The following TIAM1 variants were observed in gnomAD, a reference collection of about 807,000 sequenced individuals.
The protein encoded by TIAM1 is rho guanine nucleotide exchange factor TIAM1.
Under a neutral mutation model 163.5 loss-of-function variants are expected in TIAM1, and 65 were observed. The observed-to-expected ratio is 0.40, with a 90% CI of 0.33 to 0.49. The LOEUF (loss-of-function observed/expected upper bound fraction) is 0.49. Ranked by LOEUF, TIAM1 falls within the 20% of genes least tolerant of loss-of-function variation. TIAM1 has a pLI of 0.77. For synonymous variants in TIAM1, 833 were observed against 810.1 expected (o/e 1.03, Z -0.48); for missense variants, 1,789 against 2,044.7 (o/e 0.87, Z 2.41).
intron 2 of TIAM1, among the ~76,000 whole-genome samples, chr21:31,289,913 G>C (rs933308186): frequency 1.3e-5 from 2 of 152,036 alleles, no homozygotes; most frequent in Non-Finnish European, 2.9e-5. Context: ...CACACACAAG[G>C]GAAGTGAAAC....
At chr21:31,161,420 C>T (rs1172510626) in intron 16 of TIAM1, among the ~76,000 whole-genome samples, 1 of 152,164 alleles carries the variant, frequency 6.6e-6, no homozygotes, top group African/African-American at 2.4e-5. Context: ...AAGAGAAAGG[C>T]TGCTAGACTG....
At chr21:31,264,298 C>T (rs1259677922) in intron 4 of TIAM1, among the ~76,000 whole-genome samples, 1 of 152,116 alleles carries the variant, frequency 6.6e-6, no homozygotes, top group Non-Finnish European at 1.5e-5. Context: ...TTTGGAGTCC[C>T]CAGTGTCTAC....
At chr21:31,142,952 C>T (rs1262650441) in intron 20 of TIAM1, among the ~76,000 whole-genome samples, 1 of 152,130 alleles carries the variant, frequency 6.6e-6, no homozygotes, top group African/African-American at 2.4e-5. Flanking sequence ...CTAATGTCTT[C>T]CAGGTGCAAA....
chr21:31,256,621 A>G (rs1441056148), intron 4 of TIAM1, among the ~76,000 whole-genome samples: 4 of 150,990 alleles, frequency 2.6e-5, no homozygotes, highest in African/African-American at 9.8e-5. Flanking sequence ...ACACACACAC[A>G]CACACACGTA....
In TIAM1 at chr21:31,355,017, G is replaced by T. The variant is rs185988711; in HGVS notation, c.-368-15595C>A. On this transcript the variant is annotated intron_variant, in intron 2 of 28. Coordinates refer to the TIAM1 transcript ENST00000286827. ...AAAGCCCTGTACCCTGGGAGCCTTT[G>T]TTCTTTTTCTGGCCACAGATGAACT... 5.3e-3 allele frequency among the ~76,000 whole-genome samples: 811 copies of T among 152,194 alleles called. 4 individuals carry two copies. Among genetic ancestry groups the T allele is most frequent in the Middle Eastern group, 0.014 (4 of 294 alleles).
intron 1 of TIAM1, among the ~76,000 whole-genome samples, chr21:31,475,028 A>T (rs949451643): frequency 1.3e-4 from 8 of 59,468 alleles, no homozygotes; most frequent in South Asian, 9.5e-4. Flanking sequence ...CTAGTTTTTT[A>T]TTATTATTAT....
At chr21:31,466,066 A>G (rs1402319042) in intron 1 of TIAM1, among the ~76,000 whole-genome samples, 1 of 152,202 alleles carries the variant, frequency 6.6e-6, no homozygotes, top group Non-Finnish European at 1.5e-5. Context: ...ATCCCAATCA[A>G]TTCCAAGGTT....
At chr21:31,197,479 C>A (rs1417300115) in intron 12 of TIAM1, among the ~76,000 whole-genome samples, 1 of 151,072 alleles carries the variant, frequency 6.6e-6, no homozygotes, top group Non-Finnish European at 1.5e-5. Context: ...AGGTTCACGC[C>A]ATTGTCCTGC....
intron 4 of TIAM1, among the ~76,000 whole-genome samples, chr21:31,262,194 T>C (rs1483028440): frequency 6.6e-6 from 1 of 152,198 alleles, no homozygotes; most frequent in African/African-American, 2.4e-5. Flanking sequence ...GAGTTTTCCA[T>C]TCATTCCCTT....
intron 6 of TIAM1, among the ~76,000 whole-genome samples, chr21:31,234,188 T>C (rs2088606090): frequency 6.6e-6 from 1 of 151,988 alleles, no homozygotes; most frequent in Non-Finnish European, 1.5e-5. Flanking sequence ...AAGCCATGCC[T>C]GAAACAGAGA....
intron 2 of TIAM1, among the ~76,000 whole-genome samples, chr21:31,434,766 AC>A (rs1214874271): frequency 6.6e-6 from 1 of 152,162 alleles, no homozygotes; most frequent in Non-Finnish European, 1.5e-5. Context: ...ACACACAGTG[AC>A]CCTCCAGAGT....
chr21:31,432,218 A>G (rs1428211333), intron 2 of TIAM1, among the ~76,000 whole-genome samples: 1 of 147,382 alleles, frequency 6.8e-6, no homozygotes, highest in East Asian at 2.0e-4. Context: ...CTCCTGCCTC[A>G]GCCTCCTGAG....
chr21:31,144,349 T>C (rs959593516), intron 20 of TIAM1, among the ~76,000 whole-genome samples: 1 of 152,206 alleles, frequency 6.6e-6, no homozygotes, highest in Non-Finnish European at 1.5e-5. Flanking sequence ...TCCAAAAATA[T>C]GGCTGTGGGT....
chr21:31,271,190 A>C (rs2146836620), intron 3 of TIAM1, among the ~76,000 whole-genome samples: 1 of 152,056 alleles, frequency 6.6e-6, no homozygotes, highest in African/African-American at 2.4e-5. Context: ...CCTAGAACCC[A>C]GCCTGAAAGG....
At chr21:31,130,495 T>C (rs1044292559) in intron 24 of TIAM1, among the ~76,000 whole-genome samples, 180 bp from the exon 25 acceptor site, 4 of 151,652 alleles carry the variant, frequency 2.6e-5, no homozygotes, top group African/African-American at 7.3e-5. Flanking sequence ...GATAAATACG[T>C]TGAGGGGAGG....
intron 2 of TIAM1, among the ~76,000 whole-genome samples, chr21:31,403,415 G>A (rs943317005): frequency 2.0e-5 from 3 of 152,264 alleles, no homozygotes; most frequent in South Asian, 4.1e-4. Flanking sequence ...CCAAAGTGCT[G>A]GGATTACAGG....
At chr21:31,297,208 A>G (rs1221913590) in intron 2 of TIAM1, among the ~76,000 whole-genome samples, 1 of 152,234 alleles carries the variant, frequency 6.6e-6, no homozygotes, top group South Asian at 2.1e-4. Context: ...ATGCTAATTG[A>G]ATAAACCAGA....
chr21:31,300,813 G>A (rs2074468281), intron 2 of TIAM1, among the ~76,000 whole-genome samples: 2 of 152,176 alleles, frequency 1.3e-5, no homozygotes, highest in African/African-American at 4.8e-5. Context: ...TATCAGAAAG[G>A]CACAAAGCAA....
At chr21:31,239,554 A>G (rs865856324) in intron 6 of TIAM1, among the ~76,000 whole-genome samples, 1 of 152,240 alleles carries the variant, frequency 6.6e-6, no homozygotes, top group Admixed American at 6.5e-5. Context: ...ATGGGCTACA[A>G]TTAAGTTTCA....
Sources: allele counts gnomAD v4.1 joint callset (sites outside exome capture counted in the v4.1 genomes callset), GRCh38; gene constraint gnomAD v4.1.1; transcripts MANE v1.5; gene names NCBI Gene and HGNC (gene_info 2026-07-23, HGNC 2026-07-21).